The following FHIT variants were observed in gnomAD, a reference collection of about 807,000 sequenced individuals.
FHIT encodes bis(5'-adenosyl)-triphosphatase.
In FHIT, 19 loss-of-function variants were observed where a neutral mutation model predicts 17.9. The ratio of observed to expected loss-of-function variants is 1.06; its 90% CI spans 0.74 to 1.56. The LOEUF is 1.56. Among genes scored for constraint, FHIT ranks in the 40% most tolerant of loss-of-function variants. The pLI, the probability that FHIT is intolerant of heterozygous loss-of-function variation, is 0.00. For missense variants in FHIT, 248 were observed against 189.2 expected (o/e 1.31, Z -1.82); for synonymous variants, 81 against 69.7 (o/e 1.16, Z -0.81).
chr3:59,875,032 G>C (rs949069123), intron 8 of FHIT, among the ~76,000 whole-genome samples: 2 of 152,218 alleles, frequency 1.3e-5, no homozygotes, highest in African/African-American at 4.8e-5. Context: ...CCTTATTAGA[G>C]TGGTCCTTCC....
chr3:60,683,032 A>G (rs1316920884), intron 4 of FHIT, among the ~76,000 whole-genome samples: 1 of 152,228 alleles, frequency 6.6e-6, no homozygotes, highest in Non-Finnish European at 1.5e-5. Context: ...TAGAATCAGA[A>G]GTAAAGCTTG....
In FHIT at chr3:61,239,041, T is replaced by C. The variant is rs747250482; in HGVS notation, c.-213+12260A>G. Among the ~76,000 whole-genome samples, 142 of 152,032 alleles carry C rather than the reference T, an allele frequency of 9.3e-4. 2 individuals carry two copies. The highest frequency in any genetic ancestry group is 1.1e-3 in the Non-Finnish European group (76 of 67,990). ...TGTATTAACAGGTAACAAATTAGCC[T>C]GTGGAGATAGTAGGCATTAGGGAAG... On this transcript the variant is annotated intron_variant, in intron 1 of 9. Coordinates refer to ENST00000492590, the MANE Select transcript of FHIT (RefSeq NM_002012.4).
In FHIT at chr3:60,700,875, G is replaced by C. The variant is rs150848705; in HGVS notation, c.-18+121044C>G. ...CACTTAAATTTTCCCTCTGTGAATTGCCAATTAATATCCCTAGCCATTTTT... is the reference window on the plus strand; with the variant it reads ...CACTTAAATTTTCCCTCTGTGAATTCCCAATTAATATCCCTAGCCATTTTT... On this transcript the variant is annotated intron_variant, in intron 4 of 9. Coordinates refer to ENST00000492590, the MANE Select transcript of FHIT (RefSeq NM_002012.4). Among the ~76,000 whole-genome samples, 7 of 152,180 alleles carry C rather than the reference G, an allele frequency of 4.6e-5. No individual in the cohort carries two copies. The East Asian group carries it at 1.4e-3, about 29-fold the overall frequency.
intron 8 of FHIT, among the ~76,000 whole-genome samples, chr3:59,808,788 G>A (rs1251261529): frequency 6.6e-6 from 1 of 152,148 alleles, no homozygotes; most frequent in East Asian, 1.9e-4. Context: ...CCTAACAGCT[G>A]AGGGCAATAA....
At chr3:59,876,216 G>GA (rs1227334303) in intron 8 of FHIT, among the ~76,000 whole-genome samples, 4 of 152,002 alleles carry the variant, frequency 2.6e-5, no homozygotes, top group African/African-American at 9.6e-5. Flanking sequence ...TATATATGCA[G>GA]AAAAAACATA....
chr3:61,194,962 C>T (rs1256703353), intron 2 of FHIT, among the ~76,000 whole-genome samples: 4 of 140,248 alleles, frequency 2.9e-5, no homozygotes, highest in South Asian at 2.2e-4. Context: ...TTCTCTCATA[C>T]GTGATAAACA....
chr3:60,264,501 C>A (rs375978561), intron 5 of FHIT, among the ~76,000 whole-genome samples: 1 of 152,020 alleles, frequency 6.6e-6, no homozygotes, highest in Non-Finnish European at 1.5e-5. Flanking sequence ...TCTGTACACA[C>A]AGCACTTTAT....
intron 8 of FHIT, among the ~76,000 whole-genome samples, chr3:59,876,859 T>C (rs537055175): frequency 2.9e-4 from 44 of 152,324 alleles, no homozygotes; most frequent in African/African-American, 1.1e-3. Context: ...AATCTTACCC[T>C]TGACCCAACT....
chr3:60,493,685 A>G (rs2034164097), intron 5 of FHIT, among the ~76,000 whole-genome samples: 2 of 152,158 alleles, frequency 1.3e-5, no homozygotes. Context: ...TGTTTTGACA[A>G]CCCATAAATA....
At chr3:61,061,257 C>T (rs1440485307) in intron 2 of FHIT, among the ~76,000 whole-genome samples, 2 of 152,052 alleles carry the variant, frequency 1.3e-5, no homozygotes, top group East Asian at 1.9e-4. Flanking sequence ...TAGTTTCAGT[C>T]GGTTGGTTTT....
intron 8 of FHIT, among the ~76,000 whole-genome samples, chr3:59,841,037 G>T (rs1279176657): frequency 1.3e-5 from 2 of 152,174 alleles, no homozygotes; most frequent in Non-Finnish European, 2.9e-5. Context: ...TTGCTAAAGA[G>T]TTGGTTTAAT....
chr3:61,117,317 A>T (rs1159319537), intron 2 of FHIT, among the ~76,000 whole-genome samples: 2 of 152,194 alleles, frequency 1.3e-5, no homozygotes, highest in Non-Finnish European at 2.9e-5. Context: ...CAGTTTACTC[A>T]ATCAAATGTA....
intron 8 of FHIT, among the ~76,000 whole-genome samples, chr3:59,903,584 C>T (rs1704435203): frequency 6.6e-6 from 1 of 152,116 alleles, no homozygotes; most frequent in Non-Finnish European, 1.5e-5. Flanking sequence ...CTTTTCACCC[C>T]TGTTATTCTG....
At chr3:60,735,752 T>G (rs372363707) in intron 4 of FHIT, among the ~76,000 whole-genome samples, 26 of 152,346 alleles carry the variant, frequency 1.7e-4, no homozygotes, top group African/African-American at 6.3e-4. Context: ...CAAAATCTTC[T>G]TACTTTCATT....
At chr3:60,065,761 G>A (rs754879127) in intron 5 of FHIT, among the ~76,000 whole-genome samples, 8 of 152,080 alleles carry the variant, frequency 5.3e-5, no homozygotes, top group Non-Finnish European at 1.0e-4. Flanking sequence ...TTTTTCTCCT[G>A]CCTGTTCCCA....
chr3:60,714,347 G>T (rs574742101), intron 4 of FHIT, among the ~76,000 whole-genome samples: 1 of 151,978 alleles, frequency 6.6e-6, no homozygotes, highest in African/African-American at 2.4e-5. Flanking sequence ...GGCAAAAACC[G>T]GAAGCATTCC....
intron 5 of FHIT, among the ~76,000 whole-genome samples, chr3:60,284,419 G>T (rs1411173324): frequency 6.6e-6 from 1 of 152,008 alleles, no homozygotes; most frequent in African/African-American, 2.4e-5. Flanking sequence ...AACAGATAAG[G>T]TCTAATTTCC....
chr3:60,243,443 G>A (rs1705234611), intron 5 of FHIT, among the ~76,000 whole-genome samples: 2 of 152,096 alleles, frequency 1.3e-5, no homozygotes, highest in Non-Finnish European at 2.9e-5. Flanking sequence ...ACTGGCCATG[G>A]AGAGGCGATG....
chr3:61,198,262 C>A (rs557489835), intron 2 of FHIT, among the ~76,000 whole-genome samples: 2 of 152,190 alleles, frequency 1.3e-5, no homozygotes, highest in East Asian at 3.9e-4. Context: ...GACTACTAGC[C>A]AAGACAGACA....
Sources: gnomAD v4.1 joint callset for allele counts (sites outside exome capture counted in the v4.1 genomes callset) on GRCh38, gnomAD v4.1.1 for gene constraint, MANE v1.5 for transcripts, NCBI Gene and HGNC (gene_info 2026-07-23, HGNC 2026-07-21) for gene names.